The following CDH12 variants were observed in gnomAD, a reference collection of about 807,000 sequenced individuals.
The protein encoded by CDH12 is cadherin 12.
Under a neutral mutation model 74.1 loss-of-function variants are expected in CDH12, and 41 were observed. The ratio of observed to expected loss-of-function variants is 0.55; its 90% CI spans 0.43 to 0.72. CDH12 has a LOEUF of 0.72. Among genes scored for constraint, CDH12 ranks in the 30% least tolerant of loss-of-function variants. The pLI is 0.00. For synonymous variants in CDH12, 399 were observed against 355.0 expected, an observed-to-expected ratio of 1.12 and a Z score of -1.39; for missense variants, 945 against 977.2, an observed-to-expected ratio of 0.97 and a Z score of 0.44.
At chr5:22,020,147 A>G (rs1459720758) in intron 5 of CDH12, among the ~76,000 whole-genome samples, 1 of 152,188 alleles carries the variant, frequency 6.6e-6, no homozygotes, top group African/African-American at 2.4e-5. Flanking sequence ...AACACTATGG[A>G]ATAATGACTG....
At chr5:22,739,546 C>T (rs529705631) in intron 1 of CDH12, among the ~76,000 whole-genome samples, 2 of 152,048 alleles carry the variant, frequency 1.3e-5, no homozygotes, top group South Asian at 4.2e-4. Context: ...CAGTAGTCTA[C>T]CTTATTGTTG....
At chr5:22,838,281 C>T (rs889195175) in intron 1 of CDH12, among the ~76,000 whole-genome samples, 2 of 152,102 alleles carry the variant, frequency 1.3e-5, no homozygotes, top group African/African-American at 4.8e-5. Context: ...ATCATGGTCC[C>T]ACCATCCTAG....
At chr5:22,061,495 A>C (rs1037334865) in intron 5 of CDH12, among the ~76,000 whole-genome samples, 2 of 152,150 alleles carry the variant, frequency 1.3e-5, no homozygotes, top group Middle Eastern at 3.2e-3. Flanking sequence ...AGTTGTCAGA[A>C]GATGAGAATA....
chr5:22,315,119 CTTTTTTTTT>C (rs70959715), intron 3 of CDH12, among the ~76,000 whole-genome samples: 2 of 22,994 alleles, frequency 8.7e-5, no homozygotes, highest in Non-Finnish European at 1.4e-4. Context: ...GCCTGCCTGG[CTTTTTTTTT>C]TTTTTTTTTT....
chr5:22,173,412 A>C (rs1187726283), intron 4 of CDH12, among the ~76,000 whole-genome samples: 6 of 147,244 alleles, frequency 4.1e-5, no homozygotes, highest in Non-Finnish European at 7.5e-5. Flanking sequence ...AATATTAATA[A>C]ATATTAAATA....
intron 1 of CDH12, among the ~76,000 whole-genome samples, chr5:22,696,670 G>A (rs1163497022): frequency 6.6e-6 from 1 of 152,036 alleles, no homozygotes; most frequent in Non-Finnish European, 1.5e-5. Flanking sequence ...AAGAAAATAA[G>A]CTTCCTTTTA....
intron 3 of CDH12, among the ~76,000 whole-genome samples, chr5:22,347,901 G>A (rs1271932400): frequency 3.3e-5 from 5 of 152,104 alleles, no homozygotes; most frequent in Non-Finnish European, 5.9e-5. Context: ...TCATTCTCCT[G>A]AGGTGGAGAT....
intron 1 of CDH12, among the ~76,000 whole-genome samples, chr5:22,614,911 C>G (rs976762609): frequency 6.6e-6 from 1 of 152,050 alleles, no homozygotes; most frequent in Middle Eastern, 3.2e-3. Context: ...GGTTACCAAG[C>G]AACTCATGGG....
At chr5:22,426,721 T>C (rs1446648490) in intron 2 of CDH12, among the ~76,000 whole-genome samples, 1 of 152,214 alleles carries the variant, frequency 6.6e-6, no homozygotes, top group Non-Finnish European at 1.5e-5. Flanking sequence ...TCTCCTATAA[T>C]TAAAAGTGAA....
intron 1 of CDH12, among the ~76,000 whole-genome samples, chr5:22,763,893 TATAG>T (rs1746358633): frequency 6.6e-6 from 1 of 151,932 alleles, no homozygotes; most frequent in South Asian, 2.1e-4. Flanking sequence ...ATAATTAAGA[TATAG>T]AACTTCAATC....
At chr5:21,768,553 T>C (rs1043123849) in intron 11 of CDH12, among the ~76,000 whole-genome samples, 4 of 151,820 alleles carry the variant, frequency 2.6e-5, no homozygotes, top group Admixed American at 6.6e-5. Flanking sequence ...ACAGGTGAAA[T>C]TGACAAATTC....
chr5:22,478,491 T>G (rs895390381), intron 2 of CDH12, among the ~76,000 whole-genome samples: 1 of 151,498 alleles, frequency 6.6e-6, no homozygotes, highest in Non-Finnish European at 1.5e-5. Context: ...AGCAATCTAG[T>G]AAACAACCTT....
chr5:22,811,393 T>C (rs1749142877), intron 1 of CDH12, among the ~76,000 whole-genome samples: 1 of 152,138 alleles, frequency 6.6e-6, no homozygotes, highest in African/African-American at 2.4e-5. Flanking sequence ...CCTAGGCCCC[T>C]AAGCAGATTA....
chr5:21,926,350 C>T (rs1754582948), intron 6 of CDH12, among the ~76,000 whole-genome samples: 1 of 152,192 alleles, frequency 6.6e-6, no homozygotes, highest in South Asian at 2.1e-4. Context: ...ATGACCTTCC[C>T]CATTTCCTAG....
intron 1 of CDH12, among the ~76,000 whole-genome samples, chr5:22,519,220 T>C (rs1736939645): frequency 6.6e-6 from 1 of 152,172 alleles, no homozygotes; most frequent in South Asian, 2.1e-4. Flanking sequence ...TGCCTAAGAC[T>C]AAGGGCTGTA....
At chr5:22,406,134 T>A (rs1174179282) in intron 2 of CDH12, among the ~76,000 whole-genome samples, 1 of 152,212 alleles carries the variant, frequency 6.6e-6, no homozygotes, top group Non-Finnish European at 1.5e-5. Flanking sequence ...ATTGTATTTA[T>A]ATTGTAGTTA....
At chr5:22,308,029 C>T (rs571305458) in intron 3 of CDH12, among the ~76,000 whole-genome samples, 6 of 151,354 alleles carry the variant, frequency 4.0e-5, no homozygotes, top group African/African-American at 4.8e-5. Flanking sequence ...TACAGGCGCC[C>T]GCCACCACGC....
chr5:21,779,417 C>T (rs1229167963), intron 11 of CDH12: 3 of 152,166 alleles, frequency 2.0e-5, no homozygotes, highest in African/African-American at 2.4e-5. Flanking sequence ...ATCCTAGAAA[C>T]ATTTGCCTGT....
At chr5:22,696,454 G>A (rs1169135174) in intron 1 of CDH12, among the ~76,000 whole-genome samples, 1 of 150,424 alleles carries the variant, frequency 6.6e-6, no homozygotes, top group East Asian at 1.9e-4. Context: ...TGACTTTAAT[G>A]TGAAAACAGA....
Sources: gnomAD v4.1 joint callset for allele counts (sites outside exome capture counted in the v4.1 genomes callset) on GRCh38, gnomAD v4.1.1 for gene constraint, MANE v1.5 for transcripts, NCBI Gene and HGNC (gene_info 2026-07-23, HGNC 2026-07-21) for gene names.